KHDRBS3: variants seen among roughly 807,000 people sequenced by gnomAD.
KHDRBS3 encodes the protein KH RNA binding domain containing, signal transduction associated 3.
Under a neutral mutation model 45.6 loss-of-function variants are expected in KHDRBS3, and 23 were observed. The observed-to-expected ratio is 0.50, with a 90% CI of 0.36 to 0.72. KHDRBS3 has a LOEUF of 0.72. Among genes scored for constraint, KHDRBS3 ranks in the 30% least tolerant of loss-of-function variants. The probability of loss-of-function intolerance (pLI) is 0.00; values close to 1 mark genes in which losing one functional copy is unlikely to be tolerated. For missense variants in KHDRBS3, 352 were observed against 424.8 expected, an observed-to-expected ratio of 0.83 and a Z score of 1.51; for synonymous variants, 162 against 156.5, an observed-to-expected ratio of 1.04 and a Z score of -0.26.
At chr8:135,648,720 G>A (rs183458067), downstream of KHDRBS3, 30 of 152,266 alleles carry the variant, frequency 2.0e-4, no homozygotes, top group Admixed American at 1.9e-3. Context: ...ACTAGTGATT[G>A]TGTCAGATTA....
chr8:135,515,810 G>A (rs1264868475), intron 1 of KHDRBS3, among the ~76,000 whole-genome samples: 3 of 152,182 alleles, frequency 2.0e-5, no homozygotes, highest in African/African-American at 4.8e-5. Context: ...GTGGTTAAGA[G>A]ATTTAAAGCA....
downstream of KHDRBS3, among the ~76,000 whole-genome samples, chr8:135,651,892 A>G (rs1035712901): frequency 3.9e-5 from 6 of 152,226 alleles, no homozygotes; most frequent in African/African-American, 1.4e-4. Context: ...TGTTAACGAT[A>G]CTATAATTTA....
intron 1 of KHDRBS3, among the ~76,000 whole-genome samples, chr8:135,465,282 A>G (rs949470574): frequency 1.3e-5 from 2 of 149,058 alleles, no homozygotes; most frequent in African/African-American, 4.9e-5. Flanking sequence ...TTGCTGTTTT[A>G]GACGTAAGTA....
At chr8:135,496,083 G>T (rs942491639) in intron 1 of KHDRBS3, among the ~76,000 whole-genome samples, 1 of 149,424 alleles carries the variant, frequency 6.7e-6, no homozygotes, top group Non-Finnish European at 1.5e-5. Flanking sequence ...CTGAATCCTT[G>T]AGCTGAGGGG....
intron 7 of KHDRBS3, among the ~76,000 whole-genome samples, chr8:135,627,862 A>C (rs776344503): frequency 5.9e-5 from 9 of 152,128 alleles, no homozygotes; most frequent in Non-Finnish European, 1.3e-4. Context: ...TATTCTGAGA[A>C]TGTAGTGATT....
chr8:135,482,517 A>G (rs1298167657), intron 1 of KHDRBS3, among the ~76,000 whole-genome samples: 2 of 152,198 alleles, frequency 1.3e-5, no homozygotes, highest in Non-Finnish European at 2.9e-5. Context: ...GATCAGTTAC[A>G]TGCTCAGATT....
At chr8:135,655,429 GA>G (rs1406592323) in intron 4 of KHDRBS3, among the ~76,000 whole-genome samples, 1 of 152,190 alleles carries the variant, frequency 6.6e-6, no homozygotes, top group African/African-American at 2.4e-5. Flanking sequence ...AAAATGTGAA[GA>G]CATAATAAGC....
At chr8:135,462,268 C>G (rs1317052284) in intron 1 of KHDRBS3, among the ~76,000 whole-genome samples, 1 of 149,266 alleles carries the variant, frequency 6.7e-6, no homozygotes, top group African/African-American at 2.5e-5. Context: ...AATGCGATCA[C>G]TCACAGTGTT....
At chr8:135,518,076 C>T (rs763676645) in intron 1 of KHDRBS3, among the ~76,000 whole-genome samples, 17 of 152,140 alleles carry the variant, frequency 1.1e-4, no homozygotes, top group Non-Finnish European at 1.0e-4. Context: ...GTGACACTGA[C>T]ACAAGGGAAA....
intron 1 of KHDRBS3, among the ~76,000 whole-genome samples, chr8:135,466,258 T>C (rs1388177953): frequency 1.3e-5 from 2 of 152,228 alleles, no homozygotes; most frequent in South Asian, 2.1e-4. Context: ...GCCTGAGGTA[T>C]GCCTGGCACT....
intron 5 of KHDRBS3, among the ~76,000 whole-genome samples, chr8:135,567,042 T>A (rs2130870031): frequency 6.6e-6 from 1 of 152,306 alleles, no homozygotes; most frequent in South Asian, 2.1e-4. Flanking sequence ...TAATTACTCC[T>A]GAACGCCTCT....
intron 1 of KHDRBS3, among the ~76,000 whole-genome samples, chr8:135,497,039 A>G (rs1287605582): frequency 1.3e-5 from 2 of 152,236 alleles, no homozygotes; most frequent in African/African-American, 4.8e-5. Flanking sequence ...TGGTTCAGTC[A>G]GTCAGTAAAG....
intron 3 of KHDRBS3, among the ~76,000 whole-genome samples, chr8:135,544,187 A>G (rs185040921): frequency 6.6e-6 from 1 of 152,272 alleles, no homozygotes; most frequent in Non-Finnish European, 1.5e-5. Context: ...AGTGAAACCC[A>G]CAAGCAGGAT....
intron 6 of KHDRBS3, among the ~76,000 whole-genome samples, chr8:135,597,903 T>C (rs933033719): frequency 8.5e-5 from 13 of 152,262 alleles, no homozygotes; most frequent in African/African-American, 2.9e-4. Context: ...GTAGGATTTC[T>C]GACTTAACTT....
intron 5 of KHDRBS3, among the ~76,000 whole-genome samples, chr8:135,559,445 C>T (rs1027646603): frequency 5.3e-5 from 8 of 152,134 alleles, no homozygotes; most frequent in African/African-American, 9.7e-5. Context: ...CTCCACCTCC[C>T]GGGTTCAAAT....
At chr8:135,466,312 T>C (rs1563322) in intron 1 of KHDRBS3, among the ~76,000 whole-genome samples, 85,159 of 152,040 alleles carry the variant, frequency 0.56, 24,744 homozygotes, top group East Asian at 0.77. Context: ...TCCATGACTT[T>C]CACGTGAATT....
intron 6 of KHDRBS3, among the ~76,000 whole-genome samples, chr8:135,595,546 G>C (rs765249104): frequency 1.3e-5 from 2 of 152,216 alleles, no homozygotes; most frequent in Non-Finnish European, 2.9e-5. Context: ...AAGCAGATCA[G>C]AGAATAATCT....
intron 7 of KHDRBS3, among the ~76,000 whole-genome samples, chr8:135,616,731 T>C (rs1259857086): frequency 6.6e-6 from 1 of 152,230 alleles, no homozygotes; most frequent in Non-Finnish European, 1.5e-5. Context: ...TAAAAAGCGC[T>C]TGTGTTGATG....
chr8:135,458,100 G>T (rs1338542914), intron 1 of KHDRBS3, 146 bp downstream of exon 1: 1 of 1,392,344 alleles, frequency 7.2e-7, no homozygotes, highest in East Asian at 2.9e-5. Context: ...CGTTTGCACG[G>T]GGACCTGGGA....
Sources: gnomAD v4.1 joint callset for allele counts (sites outside exome capture counted in the v4.1 genomes callset) on GRCh38, gnomAD v4.1.1 for gene constraint, MANE v1.5 for transcripts, NCBI Gene and HGNC (gene_info 2026-07-23, HGNC 2026-07-21) for gene names.